HDAC3: variants seen among roughly 807,000 people sequenced by gnomAD.
The protein encoded by HDAC3 is histone deacetylase 3.
In HDAC3, 21 loss-of-function variants were observed where a neutral mutation model predicts 62.3. The ratio of observed to expected loss-of-function variants is 0.34; its 90% CI spans 0.24 to 0.49. The LOEUF is 0.49. Among genes scored for constraint, HDAC3 ranks in the 20% least tolerant of loss-of-function variants. The pLI, the probability that HDAC3 is intolerant of heterozygous loss-of-function variation, is 0.99. For missense variants in HDAC3, 270 were observed against 556.9 expected, an observed-to-expected ratio of 0.48 and a Z score of 5.19; for synonymous variants, 198 against 206.5, an observed-to-expected ratio of 0.96 and a Z score of 0.35.
In HDAC3 at chr5:141,629,351, C is replaced by CG; in HGVS notation, c.477-46_477-45insC. On this transcript the variant is annotated intron_variant, in intron 6 of 14. Transcript: ENST00000305264. The surrounding 1 kb of genome is among the most constrained non-coding windows in gnomAD (Gnocchi z 5.3). ...AGGGTCTGAGCTAGAAGTGAACCCC[C>CG]CAACCCACTCCTCTCAAACACCGGG... 6.2e-7 allele frequency: 1 copy of CG among 1,612,008 alleles called. No individual in the cohort carries two copies. The highest frequency in any genetic ancestry group is 8.5e-7 in the Non-Finnish European group (1 of 1,178,848).
chr5:141,629,929 C>T lies in HDAC3; in HGVS notation c.364-13G>A, dbSNP rs545648148. On this transcript the variant is annotated splice_polypyrimidine_tract_variant and intron_variant, in intron 4 of 14. Transcript: ENST00000305264. The surrounding 1 kb of genome is among the most constrained non-coding windows in gnomAD (Gnocchi z 5.3). ...CAATATCACAGATCTGAAAGACAAA[C>T]ACCTAAGTCACAGTCCTTCCTGCCC... is the stretch of plus-strand genomic sequence containing the variant. The T allele has an allele frequency of 1.9e-5, 31 of 1,614,052 alleles. No homozygotes were observed. In the East Asian group the frequency reaches 6.5e-4, roughly 34 times the overall value.
Position 141,626,592 on chromosome 5 carries a change from C to T in HDAC3, c.831-309G>A, listed in dbSNP as rs1209467399. 9 of 358,138 alleles carry T rather than the reference C, an allele frequency of 2.5e-5. No individual in the cohort carries two copies. The East Asian group carries it at 2.7e-4, about 11-fold the overall frequency. The allele number at this position is 358,138 out of a possible 1,614,324, so 22.2% of individuals were successfully genotyped here. On this transcript the variant is annotated intron_variant, in intron 10 of 14. Coordinates refer to ENST00000305264, the MANE Select transcript of HDAC3 (RefSeq NM_003883.4). This position sits in a 1 kb window ranked among gnomAD's most constrained non-coding sequence, Gnocchi z 4.6. ...ATTCTAGCCTTGAAAATATAACTCA[C>T]GCCCGGCGCGGTGCTCACGCCTTTG...
rs1272889365 is a variant in HDAC3 at position 141,628,097 on chromosome 5, G to A, written c.765+17C>T. 1 of 1,612,158 alleles carries A rather than the reference G, an allele frequency of 6.2e-7. No individual in the cohort carries two copies. The highest frequency in any genetic ancestry group is 8.5e-7 in the Non-Finnish European group (1 of 1,178,214). ...AGCCCAGGCAGAACACTCCTGAGGA[G>A]GAACTGACAGTATTACCTGGAGCAC... On this transcript the variant is annotated intron_variant, in intron 9 of 14. Coordinates refer to ENST00000305264, the MANE Select transcript of HDAC3 (RefSeq NM_003883.4). This position sits in a 1 kb window ranked among gnomAD's most constrained non-coding sequence, Gnocchi z 4.7.
chr5:141,626,405 G>T lies in HDAC3; in HGVS notation c.831-122C>A. The T allele has an allele frequency of 1.4e-6, 1 of 732,338 alleles. No individual in the cohort carries two copies. The highest frequency in any genetic ancestry group is 2.4e-6 in the Non-Finnish European group (1 of 422,744). 45.4% of individuals were successfully genotyped at this position (732,338 alleles called of 1,614,324 possible). On this transcript the variant is annotated intron_variant, in intron 10 of 14. Coordinates refer to ENST00000305264, the MANE Select transcript of HDAC3 (RefSeq NM_003883.4). The surrounding 1 kb of genome is among the most constrained non-coding windows in gnomAD (Gnocchi z 4.6). ...AATGTTCTAAATCTTTATCTTGATA[G>T]TGAAATTCATTATGTTATACCCTTA...
At position 141,636,759 on chromosome 5, in the gene HDAC3, G is replaced by C; in HGVS notation, c.32C>G (p.Pro11Arg). 1 of 1,614,070 alleles carries C rather than the reference G, an allele frequency of 6.2e-7. No homozygotes were observed. Among genetic ancestry groups the C allele is most frequent in the Non-Finnish European group, 8.5e-7 (1 of 1,179,938 alleles). The change falls in exon 1 of 15, where the codon CCC becomes CGC. Residue 11 changes from proline to arginine, a missense_variant. Physicochemically the swap from Pro to Arg is moderately radical, Grantham distance 103. Around this residue, in one of 5 missense-constraint regions of HDAC3, gnomAD observed 22 missense variants for 21.3 expected, o/e 1.03. Coordinates refer to ENST00000305264, the MANE Select transcript of HDAC3 (RefSeq NM_003883.4). Reference protein sequence around the residue: MAKTVAYFYDPDVGNFHYGAG... With the variant: MAKTVAYFYDRDVGNFHYGAG... ...ACCGTAGTGGAAGTTGCCCACGTCGGGGTCGTAGAAATAGGCCACGGTCTT... is the reference window on the plus strand; with the variant it reads ...ACCGTAGTGGAAGTTGCCCACGTCGCGGTCGTAGAAATAGGCCACGGTCTT...
intron 3 of HDAC3, among the ~76,000 whole-genome samples, chr5:141,632,020 ATTTTTT>A (rs376573720): frequency 7.3e-6 from 1 of 136,972 alleles, no homozygotes; most frequent in Non-Finnish European, 1.6e-5. Context: ...GAGGTCTGGA[ATTTTTT>A]TTTTTTTTTT....
chr5:141,628,522 G>A lies in HDAC3; in HGVS notation c.691+37C>T. 4.6e-6 allele frequency: 7 copies of A among 1,524,158 alleles called. No individual in the cohort carries two copies. Among genetic ancestry groups the A allele is most frequent in the Non-Finnish European group, 6.4e-6 (7 of 1,098,706 alleles). 94.4% of individuals were successfully genotyped at this position (1,524,158 alleles called of 1,614,324 possible). A position where few individuals can be genotyped will look rare whatever the true frequency, so the allele number is the denominator to read the frequency against. The stretch of plus-strand genomic sequence containing the variant: ...GAGGTTATTTCAAGGAGAAAAAGAA[G>A]GGGCCTAGGGAACAGAGGGAAGACT... On this transcript the variant is annotated intron_variant, in intron 8 of 14. Coordinates refer to ENST00000305264, the MANE Select transcript of HDAC3 (RefSeq NM_003883.4). This position sits in a 1 kb window ranked among gnomAD's most constrained non-coding sequence, Gnocchi z 4.7.
chr5:141,630,151 A>G, intron 3 of HDAC3, 26 bp from the exon 4 acceptor site: 1 of 1,607,592 alleles, frequency 6.2e-7, no homozygotes, highest in South Asian at 1.1e-5. Flanking sequence ...ACAAGTTGGA[A>G]CCCTCCTGCC....
In HDAC3 at chr5:141,626,938, C is replaced by T. The variant is rs1156842789; in HGVS notation, c.831-655G>A. On this transcript the variant is annotated intron_variant, in intron 10 of 14. Coordinates refer to ENST00000305264, the MANE Select transcript of HDAC3 (RefSeq NM_003883.4). The surrounding 1 kb of genome is among the most constrained non-coding windows in gnomAD (Gnocchi z 4.6). ...TCCATCTCCATCCCCCCTACCCAAA[C>T]CTTTCTCTATTCAGCAGTCAGAATT... Among the ~76,000 whole-genome samples the T allele has an allele frequency of 6.6e-6, 1 of 152,010 alleles. No homozygotes were observed. The highest frequency in any genetic ancestry group is 2.4e-5 in the African/African-American group (1 of 41,376).
rs1327235586 is a variant in HDAC3, at chr5:141,629,950, T to G, written c.364-34A>C. The G allele has an allele frequency of 1.2e-6, 2 of 1,613,750 alleles. No homozygotes were observed. The highest frequency in any genetic ancestry group is 1.7e-5 in the Admixed American group (1 of 60,032). Reference sequence around the variant, plus strand: ...CAAACACCTAAGTCACAGTCCTTCCTGCCCACCCCTCAAGCTGGGAGCCCA... The same window carrying G: ...CAAACACCTAAGTCACAGTCCTTCCGGCCCACCCCTCAAGCTGGGAGCCCA... On this transcript the variant is annotated intron_variant, in intron 4 of 14. Transcript: ENST00000305264. The surrounding 1 kb of genome is among the most constrained non-coding windows in gnomAD (Gnocchi z 5.3).
chr5:141,624,372 C>CAAAAAAAAAAA (rs58610895), intron 14 of HDAC3, among the ~76,000 whole-genome samples: 5 of 22,096 alleles, frequency 2.3e-4, no homozygotes, highest in South Asian at 3.1e-3. Flanking sequence ...CCGTCTCTAC[C>CAAAAAAAAAAA]AAAAAAAAAA....
At position 141,636,514 on chromosome 5, in the gene HDAC3, C is replaced by G. The variant is rs184990827; in HGVS notation, c.138+34G>C. ...ATCCCTACGGCCACAGCTCGCCCCA[C>G]CCCCCAACCCCCGGCCGAGGCGGCG... On this transcript the variant is annotated intron_variant, in intron 2 of 14. Coordinates refer to ENST00000305264, the MANE Select transcript of HDAC3 (RefSeq NM_003883.4). 88 of 1,593,528 alleles carry G rather than the reference C, an allele frequency of 5.5e-5. No homozygotes were observed. The East Asian group carries it at 1.5e-3, about 28-fold the overall frequency.
At position 141,626,250 on chromosome 5, in the gene HDAC3, G is replaced by C; in HGVS notation, c.864C>G (p.Ile288Met). ...CACCACCACCCAGCACGAGTAGAGG[G>C]ATATTGAAGCTCTTGACATATTCAA... ...ECVEYVKSFN[I>M]PLLVLGGGGY... Residue 288 changes from isoleucine to methionine, a missense_variant, in exon 11 of 15, where the codon ATC (isoleucine) becomes ATG (methionine). Transcript: ENST00000305264. The surrounding 1 kb of genome is among the most constrained non-coding windows in gnomAD (Gnocchi z 4.6). The C allele has an allele frequency of 1.9e-6, 3 of 1,614,156 alleles. No individual in the cohort carries two copies. The highest frequency in any genetic ancestry group is 2.5e-6 in the Non-Finnish European group (3 of 1,180,018).
At chr5:141,633,762 G>A (rs953085143) in intron 3 of HDAC3, among the ~76,000 whole-genome samples, 3 of 149,406 alleles carry the variant, frequency 2.0e-5, no homozygotes, top group African/African-American at 7.4e-5. Context: ...GGAGGCAGAG[G>A]TTGCAGTGAG....
Position 141,626,665 on chromosome 5 carries a change from C to A in HDAC3, c.831-382G>T, listed in dbSNP as rs1245318214. Among the ~76,000 whole-genome samples, 1 of 151,876 alleles carries A rather than the reference C, an allele frequency of 6.6e-6. No homozygotes were observed. Among genetic ancestry groups the A allele is most frequent in the Non-Finnish European group, 1.5e-5 (1 of 67,976 alleles). On this transcript the variant is annotated intron_variant, in intron 10 of 14. Coordinates refer to ENST00000305264, the MANE Select transcript of HDAC3 (RefSeq NM_003883.4). The surrounding 1 kb of genome is among the most constrained non-coding windows in gnomAD (Gnocchi z 4.6). ...GGCTGAGGCAGGAGAAATGCTTGAA[C>A]CCAGGAGGCAGAGCTTGCACTGAGC...
In HDAC3 at chr5:141,629,644, G is replaced by C. The variant is rs1376406919; in HGVS notation, c.476+40C>G. On this transcript the variant is annotated intron_variant, in intron 6 of 14. Coordinates refer to ENST00000305264, the MANE Select transcript of HDAC3 (RefSeq NM_003883.4). The surrounding 1 kb of genome is among the most constrained non-coding windows in gnomAD (Gnocchi z 5.3). ...GAGACTGAGAGACCTCCTCAGCCAA[G>C]AATCCCGTAACTGCCCCCATCTCCT... 3 of 1,602,984 alleles carry C rather than the reference G, an allele frequency of 1.9e-6. No homozygotes were observed. In the East Asian group the frequency reaches 6.7e-5, roughly 36 times the overall value.
At chr5:141,627,826 C>A (rs2099904661) in intron 10 of HDAC3, 67 bp downstream of exon 10, 2 of 1,393,586 alleles carry the variant, frequency 1.4e-6, no homozygotes, top group Non-Finnish European at 2.0e-6. Context: ...CCCAACTACC[C>A]CCACCCACGT....
intron 10 of HDAC3, among the ~76,000 whole-genome samples, chr5:141,627,682 G>C (rs1464526450): frequency 1.3e-5 from 2 of 152,104 alleles, no homozygotes; most frequent in Non-Finnish European, 2.9e-5. Flanking sequence ...TATGATGCCT[G>C]GAACATAACA....
chr5:141,628,543 A>G lies in HDAC3; in HGVS notation c.691+16T>C. 1.2e-6 allele frequency: 2 copies of G among 1,602,726 alleles called. No homozygotes were observed. On this transcript the variant is annotated intron_variant, in intron 8 of 14. Transcript: ENST00000305264. This position sits in a 1 kb window ranked among gnomAD's most constrained non-coding sequence, Gnocchi z 4.7. The stretch of plus-strand genomic sequence containing the variant: ...AGAAGGGGCCTAGGGAACAGAGGGA[A>G]GACTTCGGTACTTACTCTGGTCATC...
Sources: gnomAD v4.1 joint callset for allele counts (sites outside exome capture counted in the v4.1 genomes callset) on GRCh38, gnomAD v4.1.1 for gene constraint, gnomAD v4.1.1 regional missense constraint, Gnocchi (gnomAD v3.1) non-coding constraint, MANE v1.5 for transcripts, NCBI Gene and HGNC (gene_info 2026-07-23, HGNC 2026-07-21) for gene names.